The following FRMPD1 variants were observed in gnomAD, a reference collection of about 807,000 sequenced individuals.
The protein encoded by FRMPD1 is FERM and PDZ domain containing 1, also known as FERM and PDZ domain-containing protein 1.
In FRMPD1, 76 loss-of-function variants were observed where a neutral mutation model predicts 117.8. The ratio of observed to expected loss-of-function variants is 0.65; its 90% CI spans 0.54 to 0.78. The LOEUF is 0.78. FRMPD1 is among the 30% of genes least tolerant of loss of function. The pLI is 0.00. For synonymous variants in FRMPD1, 783 were observed against 770.4 expected, an observed-to-expected ratio of 1.02 and a Z score of -0.27; for missense variants, 1,786 against 1,964.5, an observed-to-expected ratio of 0.91 and a Z score of 1.72.
At position 37,708,064 on chromosome 9, in the gene FRMPD1, A is replaced by G. The variant is rs556661274; in HGVS notation, c.260-335A>G. ...ATCTGGGATTCGTTAAAATGTATTG[A>G]TTTCTATTTACTACACATACACACC... On this transcript the variant is annotated intron_variant, in intron 3 of 15. Transcript: ENST00000377765. Among the ~76,000 whole-genome samples the G allele has an allele frequency of 1.1e-4, 17 of 152,244 alleles. No individual in the cohort carries two copies. In the East Asian group the frequency reaches 2.9e-3, roughly 26 times the overall value.
chr9:37,636,744 G>A, the FRMPD1 span: 3 of 1,592,068 alleles, frequency 1.9e-6, no homozygotes, highest in African/African-American at 4.1e-5. Context: ...TTGAGATTGG[G>A]CCGCTCGCCC....
At chr9:37,697,960 C>T (rs1039328643) in intron 2 of FRMPD1, among the ~76,000 whole-genome samples, 10 of 152,082 alleles carry the variant, frequency 6.6e-5, no homozygotes, top group Admixed American at 2.0e-4. Context: ...ACTAAAAATA[C>T]GAAAATTAGC....
chr9:37,667,061 G>GTTTTTTTTTTTTTTT (rs1563923428), intron 1 of FRMPD1, among the ~76,000 whole-genome samples: 6 of 67,000 alleles, frequency 9.0e-5, no homozygotes, highest in African/African-American at 3.5e-4. Flanking sequence ...ATTGAAGCAT[G>GTTTTTTTTTTTTTTT]CTTTTTTTTT....
At chr9:37,653,814 G>T (rs62534447) in intron 1 of FRMPD1, among the ~76,000 whole-genome samples, 24,273 of 152,094 alleles carry the variant, frequency 0.16, 2,153 homozygotes, top group African/African-American at 0.22. Context: ...AATTAGCTGG[G>T]TGTAGTGGGT....
At chr9:37,654,408 A>G (rs73649207) in intron 1 of FRMPD1, among the ~76,000 whole-genome samples, 4,107 of 152,238 alleles carry the variant, frequency 0.027, 180 homozygotes, top group African/African-American at 0.092. Context: ...GAGGTAGGGT[A>G]GTTCTGTGTA....
intron 1 of FRMPD1, among the ~76,000 whole-genome samples, chr9:37,685,464 A>G (rs1010146082): frequency 2.6e-5 from 4 of 151,972 alleles, no homozygotes; most frequent in Non-Finnish European, 5.9e-5. Context: ...TAACACGGTG[A>G]AACCCTGTCT....
rs1823833577 is a variant in FRMPD1, at chr9:37,730,792, C to A, written c.739-192C>A. ...AGTGGGAAATGCTGCCCTTTTGAAC[C>A]TTTTACATTTTGTACCCAGGAAAAA... On this transcript the variant is annotated intron_variant, in intron 8 of 15. Coordinates refer to ENST00000377765, the MANE Select transcript of FRMPD1 (RefSeq NM_014907.3). Among the ~76,000 whole-genome samples the A allele has an allele frequency of 2.6e-5, 4 of 152,064 alleles. No individual in the cohort carries two copies. In the South Asian group the frequency reaches 6.2e-4, roughly 24 times the overall value.
At chr9:37,619,266 C>G in the FRMPD1 span, among the ~76,000 whole-genome samples, 9 of 152,238 alleles carry the variant, frequency 5.9e-5, no homozygotes, top group African/African-American at 1.7e-4. Context: ...TAACTGTCCC[C>G]CTTTGTGATA....
At chr9:37,705,864 C>G (rs868574415) in intron 2 of FRMPD1, among the ~76,000 whole-genome samples, 19 of 151,774 alleles carry the variant, frequency 1.3e-4, no homozygotes, top group Admixed American at 2.6e-4. Flanking sequence ...GTAGTCCCAG[C>G]TACTCAAGAG....
chr9:37,732,514 A>T, intron 10 of FRMPD1, 74 bp downstream of exon 10: 1 of 1,440,252 alleles, frequency 6.9e-7, no homozygotes, highest in Non-Finnish European at 9.4e-7. Flanking sequence ...CAGATGCCAC[A>T]GAAAGCTGAT....
At chr9:37,695,716 C>T (rs7033961) in intron 2 of FRMPD1, among the ~76,000 whole-genome samples, 52,524 of 151,924 alleles carry the variant, frequency 0.35, 9,735 homozygotes, top group Non-Finnish European at 0.43. Context: ...ATCATCCTGA[C>T]TCCTTGAATC....
At chr9:37,741,710 C>T (rs1194522699) in intron 15 of FRMPD1, among the ~76,000 whole-genome samples, 1 of 152,198 alleles carries the variant, frequency 6.6e-6, no homozygotes, top group African/African-American at 2.4e-5. Flanking sequence ...TGTGACATGG[C>T]CTCTGCCTGT....
At chr9:37,699,162 G>A (rs776049789) in intron 2 of FRMPD1, among the ~76,000 whole-genome samples, 12 of 151,954 alleles carry the variant, frequency 7.9e-5, no homozygotes, top group South Asian at 2.1e-4. Flanking sequence ...GTGAGCCACC[G>A]TGACCAGCCT....
chr9:37,647,510 C>CAA (rs369681968), upstream of FRMPD1, among the ~76,000 whole-genome samples: 14,679 of 80,100 alleles, frequency 0.18, 874 homozygotes, highest in East Asian at 0.27. Context: ...GACTCCGTTT[C>CAA]AAAAAAAAAA....
chr9:37,673,975 G>T (rs1031119106), intron 1 of FRMPD1, among the ~76,000 whole-genome samples: 1 of 152,236 alleles, frequency 6.6e-6, no homozygotes, highest in African/African-American at 2.4e-5. Flanking sequence ...ATGGCCTGGA[G>T]ACATTTTCCC....
the FRMPD1 span, among the ~76,000 whole-genome samples, chr9:37,638,324 C>T: frequency 6.6e-5 from 10 of 152,046 alleles, no homozygotes; most frequent in African/African-American, 1.2e-4. Flanking sequence ...CTGCCCGCTT[C>T]GGCCTTCCAA....
At chr9:37,671,073 A>G (rs1821334247) in intron 1 of FRMPD1, among the ~76,000 whole-genome samples, 1 of 152,188 alleles carries the variant, frequency 6.6e-6, no homozygotes, top group Non-Finnish European at 1.5e-5. Flanking sequence ...AAATGTGTTC[A>G]TATTCATTTT....
At chr9:37,675,440 A>G (rs890347829) in intron 1 of FRMPD1, among the ~76,000 whole-genome samples, 6 of 150,978 alleles carry the variant, frequency 4.0e-5, no homozygotes, top group African/African-American at 9.7e-5. Flanking sequence ...AAAAATACAA[A>G]TCATGGTGGC....
chr9:37,636,857 G>C, the FRMPD1 span: 8 of 1,611,208 alleles, frequency 5.0e-6, no homozygotes, highest in Admixed American at 1.3e-4. Context: ...CTCCAAGAAG[G>C]GGATGCCCAA....
Sources: allele counts gnomAD v4.1 joint callset (sites outside exome capture counted in the v4.1 genomes callset), GRCh38; gene constraint gnomAD v4.1.1; transcripts MANE v1.5; gene names NCBI Gene and HGNC (gene_info 2026-07-23, HGNC 2026-07-21).